The following PCDH15 variants were observed in gnomAD, a reference collection of about 807,000 sequenced individuals.
PCDH15 encodes the protein protocadherin related 15, also known as protocadherin-15.
A neutral mutation model predicts 178.5 loss-of-function variants in PCDH15; 129 were observed. The ratio of observed to expected loss-of-function variants is 0.72; its 90% CI spans 0.63 to 0.84. The LOEUF (loss-of-function observed/expected upper bound fraction) is 0.84. Among genes scored for constraint, PCDH15 ranks in the 40% least tolerant of loss-of-function variants. The probability of loss-of-function intolerance (pLI) is 0.00; values close to 1 mark genes in which losing one functional copy is unlikely to be tolerated. For missense variants in PCDH15, 2,230 were observed against 2,099.9 expected, an observed-to-expected ratio of 1.06 and a Z score of -1.21; for synonymous variants, 800 against 732.0, an observed-to-expected ratio of 1.09 and a Z score of -1.50.
At chr10:55,153,380 G>A (rs977751216) in intron 2 of PCDH15, among the ~76,000 whole-genome samples, 4 of 152,140 alleles carry the variant, frequency 2.6e-5, no homozygotes, top group African/African-American at 9.7e-5. Flanking sequence ...CTGGAGGACA[G>A]GCTGCCTCTC....
At chr10:55,555,634 G>A (rs924596955) in intron 2 of PCDH15, among the ~76,000 whole-genome samples, 2 of 152,008 alleles carry the variant, frequency 1.3e-5, no homozygotes, top group African/African-American at 4.8e-5. Flanking sequence ...TAATTATTAA[G>A]GAGAAATGTA....
intron 8 of PCDH15, among the ~76,000 whole-genome samples, chr10:54,287,634 T>C (rs921138642): frequency 2.0e-5 from 3 of 152,160 alleles, no homozygotes; most frequent in Non-Finnish European, 2.9e-5. Context: ...TAAGGCTCTT[T>C]ATGACAGGAC....
chr10:55,602,337 G>A (rs1843105542), intron 2 of PCDH15, among the ~76,000 whole-genome samples: 1 of 137,870 alleles, frequency 7.3e-6, no homozygotes, highest in Admixed American at 7.3e-5. Context: ...GCCCAGGCTT[G>A]CTTAGGTAAA....
chr10:53,833,983 A>G (rs994020705), intron 29 of PCDH15, among the ~76,000 whole-genome samples: 2 of 152,168 alleles, frequency 1.3e-5, no homozygotes, highest in Non-Finnish European at 2.9e-5. Context: ...GATATTAACA[A>G]CAATAACTAA....
chr10:55,397,300 AT>A (rs1329155771), intron 2 of PCDH15, among the ~76,000 whole-genome samples: 1 of 152,110 alleles, frequency 6.6e-6, no homozygotes, highest in Non-Finnish European at 1.5e-5. Context: ...AAAACTCGAA[AT>A]TTTTGCACTT....
intron 1 of PCDH15, among the ~76,000 whole-genome samples, chr10:54,686,151 C>T (rs1341406297): frequency 6.7e-6 from 1 of 148,852 alleles, no homozygotes; most frequent in Non-Finnish European, 1.5e-5. Context: ...GCTGGGATTA[C>T]AGGTGTGAGC....
At chr10:55,578,911 C>G (rs567510816) in intron 2 of PCDH15, among the ~76,000 whole-genome samples, 1 of 152,192 alleles carries the variant, frequency 6.6e-6, no homozygotes, top group East Asian at 1.9e-4. Context: ...AATTACCTCC[C>G]ACGGGTTCCC....
At chr10:55,395,168 C>T (rs999552641) in intron 2 of PCDH15, among the ~76,000 whole-genome samples, 14 of 127,990 alleles carry the variant, frequency 1.1e-4, no homozygotes, top group Admixed American at 7.1e-4. Flanking sequence ...TATTTAACTG[C>T]GTGTGTGTGT....
chr10:55,312,974 G>A (rs1002856463), intron 1 of PCDH15, among the ~76,000 whole-genome samples: 15 of 152,054 alleles, frequency 9.9e-5, no homozygotes, highest in African/African-American at 3.6e-4. Flanking sequence ...ATTTAGCACA[G>A]AACTATAGTC....
At chr10:55,481,204 G>A (rs531443990) in intron 2 of PCDH15, among the ~76,000 whole-genome samples, 3 of 151,716 alleles carry the variant, frequency 2.0e-5, no homozygotes, top group African/African-American at 7.2e-5. Context: ...ATTTCTGATT[G>A]TATTTATTTG....
intron 1 of PCDH15, among the ~76,000 whole-genome samples, chr10:54,752,513 CAAACAAACAAACAAACAAAAAA>C (rs1946455833): frequency 9.2e-5 from 5 of 54,636 alleles, no homozygotes; most frequent in African/African-American, 1.5e-4. Flanking sequence ...AAACAAAAAA[CAAACAAACAAACAAACAAAAAA>C]AAACAATAAA....
At chr10:55,305,764 T>C (rs1403006615) in intron 1 of PCDH15, among the ~76,000 whole-genome samples, 2 of 152,176 alleles carry the variant, frequency 1.3e-5, no homozygotes, top group Non-Finnish European at 2.9e-5. Context: ...GAAAATAATA[T>C]TATGTTGTTT....
intron 3 of PCDH15, among the ~76,000 whole-genome samples, chr10:54,512,759 G>C (rs2081833204): frequency 6.6e-6 from 1 of 151,966 alleles, no homozygotes; most frequent in Non-Finnish European, 1.5e-5. Flanking sequence ...AGTATAATTT[G>C]ACTTTCCATT....
chr10:54,697,509 A>ATG (rs750250142), intron 1 of PCDH15, among the ~76,000 whole-genome samples: 50 of 134,044 alleles, frequency 3.7e-4, no homozygotes, highest in African/African-American at 1.1e-3. Flanking sequence ...GCTTATTGAA[A>ATG]TGTGTGTATA....
chr10:55,040,743 T>C (rs1321333597), intron 2 of PCDH15, among the ~76,000 whole-genome samples: 2 of 152,052 alleles, frequency 1.3e-5, no homozygotes, highest in Non-Finnish European at 2.9e-5. Context: ...GTAAAGAAAA[T>C]GTTTCTAAAT....
chr10:54,568,317 A>G (rs938440862), intron 2 of PCDH15, among the ~76,000 whole-genome samples: 6 of 151,864 alleles, frequency 4.0e-5, no homozygotes, highest in African/African-American at 1.5e-4. Flanking sequence ...CAAGAAATCT[A>G]CTTCACCACT....
intron 2 of PCDH15, among the ~76,000 whole-genome samples, chr10:54,564,384 G>A (rs995138055): frequency 2.0e-5 from 3 of 152,028 alleles, no homozygotes; most frequent in Non-Finnish European, 2.9e-5. Flanking sequence ...TTACATTAAC[G>A]GAATTTTATT....
intron 2 of PCDH15, among the ~76,000 whole-genome samples, chr10:55,121,366 G>C (rs892441867): frequency 4.7e-5 from 7 of 148,830 alleles, no homozygotes; most frequent in African/African-American, 1.2e-4. Flanking sequence ...GCTGGGGGGG[G>C]GCAATTTGCC....
At chr10:55,571,047 C>T (rs560507064) in intron 2 of PCDH15, among the ~76,000 whole-genome samples, 3 of 152,106 alleles carry the variant, frequency 2.0e-5, no homozygotes, top group Non-Finnish European at 4.4e-5. Context: ...TCCCCAGGTC[C>T]GTTGAAGGTG....
Sources: allele counts gnomAD v4.1 joint callset (sites outside exome capture counted in the v4.1 genomes callset), GRCh38; gene constraint gnomAD v4.1.1; transcripts MANE v1.5; gene names NCBI Gene and HGNC (gene_info 2026-07-23, HGNC 2026-07-21).